The following RNLS variants were observed in gnomAD, a reference collection of about 807,000 sequenced individuals.
The protein encoded by RNLS is renalase, FAD dependent amine oxidase.
RNLS carries 39 observed loss-of-function variants against 39.8 expected under a neutral mutation model. The observed-to-expected ratio is 0.98, with a 90% CI of 0.76 to 1.28. The LOEUF (loss-of-function observed/expected upper bound fraction) is 1.28, where lower values mean the gene tolerates loss of function less well. RNLS is among the 50% of genes most tolerant of loss of function. The probability of loss-of-function intolerance (pLI) is 0.00; values close to 1 mark genes in which losing one functional copy is unlikely to be tolerated. For missense variants in RNLS, 410 were observed against 413.3 expected, an observed-to-expected ratio of 0.99 and a Z score of 0.07; for synonymous variants, 147 against 150.7, an observed-to-expected ratio of 0.98 and a Z score of 0.18.
chr10:88,312,808 C>T (rs1845480060), intron 6 of RNLS, among the ~76,000 whole-genome samples: 1 of 151,420 alleles, frequency 6.6e-6, no homozygotes, highest in East Asian at 1.9e-4. Context: ...AGGTTCATAG[C>T]AAAACTGAGA....
intron 4 of RNLS, among the ~76,000 whole-genome samples, chr10:88,473,786 G>A (rs1843668274): frequency 6.6e-6 from 1 of 152,044 alleles, no homozygotes; most frequent in Non-Finnish European, 1.5e-5. Context: ...CAATTGACAG[G>A]TCAGGGCTCA....
rs1256380591 is a variant in RNLS, at chr10:88,508,970, A to AATGACTACT, written c.526+63924_526+63932dup. Among the ~76,000 whole-genome samples the AATGACTACT allele has an allele frequency of 2.0e-5, 3 of 152,082 alleles. No homozygotes were observed. The East Asian group carries it at 5.8e-4, about 30-fold the overall frequency. ...GCATCCTGGAATACAATCATTTTAG[A>AATGACTACT]ATGACTACTTTTTCTTTGGCAAGAC... On this transcript the variant is annotated intron_variant, in intron 4 of 6. Coordinates refer to ENST00000331772, the MANE Select transcript of RNLS (RefSeq NM_001031709.3).
At chr10:88,573,318 T>C (rs920815632) in intron 3 of RNLS, among the ~76,000 whole-genome samples, 4 of 152,150 alleles carry the variant, frequency 2.6e-5, no homozygotes, top group African/African-American at 9.6e-5. Flanking sequence ...ATAAAAATAA[T>C]AACTATAGCT....
intron 2 of RNLS, 129 bp from the exon 3 acceptor site, chr10:88,581,838 T>G (rs1028953997): frequency 1.7e-6 from 1 of 578,588 alleles, no homozygotes; most frequent in African/African-American, 1.9e-5. Flanking sequence ...CCTATGAATA[T>G]TTTGTATTAA....
At chr10:88,187,198 T>TATATATATA in the RNLS span, among the ~76,000 whole-genome samples, 681 of 13,806 alleles carry the variant, frequency 0.049, 41 homozygotes, top group East Asian at 0.2. Context: ...ATATATATAA[T>TATATATATA]ATATATATAA....
the RNLS span, among the ~76,000 whole-genome samples, chr10:88,175,969 A>T: frequency 6.6e-6 from 1 of 152,070 alleles, no homozygotes; most frequent in African/African-American, 2.4e-5. Context: ...TGCTGGATTG[A>T]TCCCTTTATC....
chr10:88,374,613 T>C (rs792220), intron 4 of RNLS, among the ~76,000 whole-genome samples: 117,153 of 152,022 alleles, frequency 0.77, 45,763 homozygotes, highest in African/African-American at 0.89. Context: ...ACATATGGGA[T>C]GTCATTCCAT....
intron 4 of RNLS, among the ~76,000 whole-genome samples, chr10:88,462,557 A>C (rs1376116542): frequency 6.6e-6 from 1 of 152,008 alleles, no homozygotes; most frequent in Non-Finnish European, 1.5e-5. Context: ...TAAATAAGAT[A>C]GACAATCCAG....
At chr10:88,301,046 G>GT (rs1460138752) in intron 6 of RNLS, among the ~76,000 whole-genome samples, 1 of 152,076 alleles carries the variant, frequency 6.6e-6, no homozygotes, top group Non-Finnish European at 1.5e-5. Context: ...CCTTTTTAAA[G>GT]TTTTTTATAA....
At chr10:88,339,362 T>G (rs1191086730) in intron 5 of RNLS, among the ~76,000 whole-genome samples, 1 of 152,206 alleles carries the variant, frequency 6.6e-6, no homozygotes, top group African/African-American at 2.4e-5. Flanking sequence ...AATTTCAATG[T>G]GTTGCAGAGT....
chr10:88,320,366 T>A (rs1426219364), intron 5 of RNLS, among the ~76,000 whole-genome samples: 1 of 150,838 alleles, frequency 6.6e-6, no homozygotes, highest in Non-Finnish European at 1.5e-5. Context: ...AGTACACGGA[T>A]CCTATAAAGC....
chr10:88,543,370 C>A (rs1250338747), intron 4 of RNLS, among the ~76,000 whole-genome samples: 1 of 152,122 alleles, frequency 6.6e-6, no homozygotes. Context: ...CACCAACATA[C>A]AAAGAAATTT....
At chr10:88,222,816 A>C in the RNLS span, among the ~76,000 whole-genome samples, 1 of 152,356 alleles carries the variant, frequency 6.6e-6, no homozygotes, top group East Asian at 1.9e-4. Flanking sequence ...GTTTGGATTC[A>C]TCTGCTGCTG....
chr10:88,576,829 T>C (rs1001174763), intron 3 of RNLS, among the ~76,000 whole-genome samples: 4 of 152,234 alleles, frequency 2.6e-5, no homozygotes, highest in Non-Finnish European at 5.9e-5. Flanking sequence ...AATAAATTGA[T>C]CTTGTCAATT....
At chr10:88,380,743 A>G (rs1311760996) in intron 4 of RNLS, among the ~76,000 whole-genome samples, 3 of 151,942 alleles carry the variant, frequency 2.0e-5, no homozygotes, top group African/African-American at 7.2e-5. Flanking sequence ...AATATCCTAT[A>G]CTTTCTTCTA....
exon 7 of RNLS, chr10:88,274,263 C>T (rs1195687451): frequency 6.6e-6 from 1 of 152,126 alleles, no homozygotes; most frequent in Non-Finnish European, 1.5e-5. Context: ...TACATTCACA[C>T]TGTTGAGCAC....
chr10:88,315,758 A>G (rs1845716334), intron 5 of RNLS, among the ~76,000 whole-genome samples: 2 of 144,434 alleles, frequency 1.4e-5, no homozygotes, highest in East Asian at 2.0e-4. Context: ...TTTTTTAATG[A>G]GAATAAGTTA....
chr10:88,345,218 A>C (rs191027997), intron 5 of RNLS, among the ~76,000 whole-genome samples: 1 of 152,278 alleles, frequency 6.6e-6, no homozygotes, highest in Admixed American at 6.5e-5. Context: ...AAACGCAATG[A>C]AGTGATTTCC....
At chr10:88,232,934 G>C in the RNLS span, among the ~76,000 whole-genome samples, 1 of 152,228 alleles carries the variant, frequency 6.6e-6, no homozygotes, top group Non-Finnish European at 1.5e-5. Context: ...CAGGCACTGT[G>C]ACAAGTATGT....
Sources: allele counts gnomAD v4.1 joint callset (sites outside exome capture counted in the v4.1 genomes callset), GRCh38; gene constraint gnomAD v4.1.1; transcripts MANE v1.5; gene names NCBI Gene and HGNC (gene_info 2026-07-23, HGNC 2026-07-21).